ACAP2: variants seen among roughly 807,000 people sequenced by gnomAD.
The protein encoded by ACAP2 is ArfGAP with coiled-coil, ankyrin repeat and PH domains 2.
A neutral mutation model predicts 115.8 loss-of-function variants in ACAP2; 39 were observed. That is an observed-to-expected ratio of 0.34 (90% CI 0.26 to 0.44). The LOEUF (loss-of-function observed/expected upper bound fraction) is 0.44, where lower values mean the gene tolerates loss of function less well. ACAP2 is among the 20% of genes least tolerant of loss of function. The probability of loss-of-function intolerance (pLI) is 1.00; values close to 1 mark genes in which losing one functional copy is unlikely to be tolerated. For missense variants in ACAP2, 662 were observed against 927.6 expected (o/e 0.71, Z 3.72); for synonymous variants, 289 against 315.8 (o/e 0.92, Z 0.90).
At chr3:195,292,204 A>G (rs12491670) in intron 19 of ACAP2, 61 bp downstream of exon 19, 31,839 of 1,495,040 alleles carry the variant, frequency 0.021, 937 homozygotes, top group South Asian at 0.097. Flanking sequence ...AGTTCAGAAC[A>G]TATTATGATT....
intron 4 of ACAP2, among the ~76,000 whole-genome samples, 165 bp from the exon 5 acceptor site, chr3:195,345,482 AC>A (rs1731138475): frequency 6.6e-6 from 1 of 152,214 alleles, no homozygotes. Context: ...AGAACCCAAA[AC>A]AGATTAAGCC....
At chr3:195,372,749 G>A (rs2108731469) in intron 4 of ACAP2, among the ~76,000 whole-genome samples, 1 of 152,160 alleles carries the variant, frequency 6.6e-6, no homozygotes, top group South Asian at 2.1e-4. Context: ...AGGAGATAGA[G>A]GCTGCAGTGA....
chr3:195,275,961 G>A lies in ACAP2; in HGVS notation c.*3367C>T, dbSNP rs1006863740. ...ATCATGCGGTTCTAAAGTCATTCTG[G>A]ACATACAATCTACAAAAATACATCA... is the stretch of plus-strand genomic sequence containing the variant. On this transcript the variant is annotated 3_prime_UTR_variant, in exon 23 of 23. Transcript: ENST00000326793. 6.6e-6 allele frequency: 1 copy of A among 152,472 alleles called. No homozygotes were observed. Among genetic ancestry groups the A allele is most frequent in the Non-Finnish European group, 1.5e-5 (1 of 68,020 alleles). 9.4% of individuals were successfully genotyped at this position (152,472 alleles called of 1,614,324 possible). A position where few individuals can be genotyped will look rare whatever the true frequency, so the allele number is the denominator to read the frequency against.
chr3:195,389,919 G>A (rs1246688003), intron 2 of ACAP2, among the ~76,000 whole-genome samples: 3 of 152,238 alleles, frequency 2.0e-5, no homozygotes, highest in African/African-American at 7.2e-5. Context: ...AGAGGGGCCG[G>A]GTGCAGTGGC....
Position 195,279,467 on chromosome 3 carries a change from C to A in ACAP2, c.2237-39G>T, listed in dbSNP as rs1193732559. ...AATAAAGACACTTTAAACATTTACA[C>A]AAGTATTAATCAAACAACATTCATA... On this transcript the variant is annotated intron_variant, in intron 22 of 22. Transcript: ENST00000326793. 7 of 1,303,946 alleles carry A rather than the reference C, an allele frequency of 5.4e-6. No homozygotes were observed. The South Asian group carries it at 6.7e-5, about 13-fold the overall frequency. 80.8% of individuals were successfully genotyped at this position (1,303,946 alleles called of 1,614,324 possible).
Position 195,301,558 on chromosome 3 carries a change from G to C in ACAP2, c.1395+17C>G. ...ATGTGAAAATATGAAATATTTTAAA[G>C]CAAAAATTTTTTTTACCTTTAAAAG... On this transcript the variant is annotated intron_variant, in intron 15 of 22. Coordinates refer to ENST00000326793, the MANE Select transcript of ACAP2 (RefSeq NM_012287.6). The C allele has an allele frequency of 6.3e-7, 1 of 1,577,616 alleles. No homozygotes were observed. The highest frequency in any genetic ancestry group is 1.2e-5 in the South Asian group (1 of 86,140).
intron 6 of ACAP2, among the ~76,000 whole-genome samples, chr3:195,339,962 C>T (rs1730760615): frequency 6.6e-6 from 1 of 151,042 alleles, no homozygotes; most frequent in Non-Finnish European, 1.5e-5. Context: ...CGTAAGTAGT[C>T]TAACTGCAAT....
At chr3:195,291,180 TAGAA>T (rs1197034801) in intron 20 of ACAP2, among the ~76,000 whole-genome samples, 1 of 152,214 alleles carries the variant, frequency 6.6e-6, no homozygotes, top group Non-Finnish European at 1.5e-5. Context: ...TTCCTAATAA[TAGAA>T]AGTCCATTTT....
At position 195,323,774 on chromosome 3, in the gene ACAP2, T is replaced by G. The variant is rs976776131; in HGVS notation, c.745-2961A>C. Among the ~76,000 whole-genome samples, 12 of 151,062 alleles carry G rather than the reference T, an allele frequency of 7.9e-5. No individual in the cohort carries two copies. In the East Asian group the frequency reaches 2.4e-3, roughly 30 times the overall value. ...AGAGGCTGGGAGTGGTGGTGGGAAC[T>G]GGGGGTGTCAGCGAGTGGGGATGGT... is the stretch of plus-strand genomic sequence containing the variant. On this transcript the variant is annotated intron_variant, in intron 9 of 22. Transcript: ENST00000326793.
In ACAP2 at chr3:195,277,122, C is replaced by T. The variant is rs979552639; in HGVS notation, c.*2206G>A. The T allele has an allele frequency of 6.6e-5, 10 of 152,106 alleles. No homozygotes were observed. Among genetic ancestry groups the T allele is most frequent in the Non-Finnish European group, 8.8e-5 (6 of 68,038 alleles). The allele number at this position is 152,106 out of a possible 1,614,324, so 9.4% of individuals were successfully genotyped here. A position where few individuals can be genotyped will look rare whatever the true frequency, so the allele number is the denominator to read the frequency against. ...TTCCAGAGGTGATCTGAATGAAACA[C>T]GCACCAATGGCCAGATCCAAAAGGA... On this transcript the variant is annotated 3_prime_UTR_variant, in exon 23 of 23. Transcript: ENST00000326793.
chr3:195,376,941 G>A (rs1356563460), intron 4 of ACAP2, among the ~76,000 whole-genome samples: 3 of 151,796 alleles, frequency 2.0e-5, no homozygotes, highest in Non-Finnish European at 2.9e-5. Flanking sequence ...CTTTATATTG[G>A]GATGCTATGT....
chr3:195,424,345 A>T (rs1444415395), intron 1 of ACAP2, among the ~76,000 whole-genome samples: 1 of 126,966 alleles, frequency 7.9e-6, no homozygotes, highest in Non-Finnish European at 1.6e-5. Flanking sequence ...CCCAGGCTGG[A>T]GTGCAGTGGC....
In ACAP2 at chr3:195,442,892, G is replaced by A. The variant is rs1163289850; in HGVS notation, c.-45C>T. The A allele has an allele frequency of 6.7e-6, 10 of 1,488,672 alleles. No homozygotes were observed. The highest frequency in any genetic ancestry group is 8.0e-6 in the Non-Finnish European group (9 of 1,118,904). 92.2% of individuals were successfully genotyped at this position (1,488,672 alleles called of 1,614,324 possible). On this transcript the variant is annotated 5_prime_UTR_variant, in exon 1 of 23. Coordinates refer to ENST00000326793, the MANE Select transcript of ACAP2 (RefSeq NM_012287.6). Reference sequence around the variant, plus strand: ...CGGCGCTGGCAAAGCCGAGGGGGCCGCGGGAGCGGCCGCGCTGGGACGCAG... The same window carrying A: ...CGGCGCTGGCAAAGCCGAGGGGGCCACGGGAGCGGCCGCGCTGGGACGCAG...
At chr3:195,385,304 T>A (rs1734226249) in intron 2 of ACAP2, among the ~76,000 whole-genome samples, 1 of 149,644 alleles carries the variant, frequency 6.7e-6, no homozygotes, top group Admixed American at 6.7e-5. Flanking sequence ...AATTATTCAA[T>A]AGAGATTTGT....
chr3:195,365,043 C>T (rs959409355), intron 4 of ACAP2, among the ~76,000 whole-genome samples: 2 of 152,128 alleles, frequency 1.3e-5, no homozygotes, highest in Admixed American at 1.3e-4. Flanking sequence ...ATAAACCTCG[C>T]GTGTTCTCAC....
At position 195,301,928 on chromosome 3, in the gene ACAP2, C is replaced by T. The variant is rs2275520; in HGVS notation, c.1325+38G>A. 0.012 allele frequency: 18,389 copies of T among 1,595,208 alleles called. 846 individuals carry two copies. The East Asian group carries it at 0.13, about 11-fold the overall frequency. ...ACAACCATTTCTATCTGTGTTTATC[C>T]AAAAGAAGAAATTCTCATCCTGGGC... On this transcript the variant is annotated intron_variant, in intron 14 of 22. Transcript: ENST00000326793.
chr3:195,375,925 C>A (rs1733498501), intron 4 of ACAP2, among the ~76,000 whole-genome samples: 1 of 152,154 alleles, frequency 6.6e-6, no homozygotes, highest in Non-Finnish European at 1.5e-5. Flanking sequence ...AATAAATATT[C>A]CAAGTTCCTT....
chr3:195,351,117 C>CTTTT lies in ACAP2; in HGVS notation c.286-5804_286-5801dup, dbSNP rs1160492256. On this transcript the variant is annotated intron_variant, in intron 4 of 22. Transcript: ENST00000326793. ...AACTCAGTAAATATGAAGATAAATC[C>CTTTT]TTTTTTTTTTTTGGGCGGGGGACAG... Among the ~76,000 whole-genome samples the CTTTT allele has an allele frequency of 7.4e-3, 792 of 107,342 alleles. 17 individuals carry two copies. Among genetic ancestry groups the CTTTT allele is most frequent in the African/African-American group, 0.025 (762 of 31,054 alleles). The allele number at this position is 107,342 out of a possible 152,430, so 70.4% of individuals were successfully genotyped here.
chr3:195,381,674 CAAT>C (rs1284345686), intron 3 of ACAP2, among the ~76,000 whole-genome samples: 1 of 152,070 alleles, frequency 6.6e-6, no homozygotes, highest in Non-Finnish European at 1.5e-5. Context: ...CTAACCACAA[CAAT>C]GAGAAACTAG....
Sources: allele counts gnomAD v4.1 joint callset (sites outside exome capture counted in the v4.1 genomes callset), GRCh38; gene constraint gnomAD v4.1.1; transcripts MANE v1.5; gene names NCBI Gene and HGNC (gene_info 2026-07-23, HGNC 2026-07-21).